The following THAP8 variants were observed in gnomAD, a reference collection of about 807,000 sequenced individuals.
THAP8 encodes the protein THAP domain containing 8.
A neutral mutation model predicts 25.0 loss-of-function variants in THAP8; 24 were observed. The ratio of observed to expected loss-of-function variants is 0.96; its 90% CI spans 0.69 to 1.35. The LOEUF is 1.35. Ranked by LOEUF, THAP8 falls within the 40% of genes most tolerant of loss-of-function variation. The pLI is 0.00. For synonymous variants in THAP8, 169 were observed against 157.6 expected, an observed-to-expected ratio of 1.07 and a Z score of -0.54; for missense variants, 399 against 368.8, an observed-to-expected ratio of 1.08 and a Z score of -0.67.
chr19:36,042,294 C>T lies in THAP8; in HGVS notation c.84-2158G>A, dbSNP rs4805154. On this transcript the variant is annotated intron_variant, in intron 1 of 3. Transcript: ENST00000292894. ...TTCTGCTTACATACCCAAAAGAACA[C>T]AAAACAGGGTCTTGGAGAGATATTT... Among the ~76,000 whole-genome samples the T allele has an allele frequency of 4.0e-5, 6 of 151,464 alleles. No individual in the cohort carries two copies. The South Asian group carries it at 1.2e-3, about 31-fold the overall frequency.
intron 2 of THAP8, 101 bp downstream of exon 2, chr19:36,039,843 C>T (rs1969623975): frequency 3.8e-6 from 6 of 1,573,840 alleles, no homozygotes; most frequent in South Asian, 2.3e-5. Context: ...GAGGAAGTGT[C>T]GTCAGGAGGG....
chr19:36,047,445 T>TGGTGGCAGTGGTGGCTGGGGC (rs1163266555), intron 1 of THAP8, among the ~76,000 whole-genome samples: 3 of 152,168 alleles, frequency 2.0e-5, no homozygotes, highest in Non-Finnish European at 2.9e-5. Context: ...CTATAAGGAA[T>TGGTGGCAGTGGTGGCTGGGGC]GGTGGCAGTG....
chr19:36,037,514 G>T (rs1285563778), intron 3 of THAP8, among the ~76,000 whole-genome samples: 1 of 152,166 alleles, frequency 6.6e-6, no homozygotes, highest in African/African-American at 2.4e-5. Context: ...CAGACACCTG[G>T]GTTTGAATCC....
intron 1 of THAP8, among the ~76,000 whole-genome samples, 172 bp from the exon 2 acceptor site, chr19:36,040,308 T>C (rs1272895421): frequency 2.0e-5 from 3 of 152,174 alleles, no homozygotes; most frequent in African/African-American, 7.2e-5. Flanking sequence ...ACCACAACCC[T>C]TTTTTCAGCT....
At chr19:36,036,495 C>G (rs370691024) in intron 3 of THAP8, among the ~76,000 whole-genome samples, 1 of 152,136 alleles carries the variant, frequency 6.6e-6, no homozygotes, top group East Asian at 1.9e-4. Context: ...GTCTCAAACT[C>G]CTGGGCTCAA....
chr19:36,047,591 G>C (rs1243677582), intron 1 of THAP8, among the ~76,000 whole-genome samples: 1 of 152,180 alleles, frequency 6.6e-6, no homozygotes, highest in Non-Finnish European at 1.5e-5. Flanking sequence ...GGTGGCCAAG[G>C]TGGGAGGATC....
At position 36,040,072 on chromosome 19, in the gene THAP8, C is replaced by A; in HGVS notation, c.148G>T (p.Val50Leu). ...WLQHMGCEHWVPSCHQHLCSE... is the reference protein window; with the variant it reads ...WLQHMGCEHWLPSCHQHLCSE... The stretch of plus-strand genomic sequence containing the variant: ...CACAAGTGCTGGTGGCAGCTGGGCA[C>A]CCAGTGCTCACAGCCCATGTGCTGC... The change falls in exon 2 of 4, where the codon GTG (valine) becomes TTG (leucine). Residue 50 changes from valine to leucine, a missense_variant. Coordinates refer to ENST00000292894, the MANE Select transcript of THAP8 (RefSeq NM_152658.3). 3 of 1,613,516 alleles carry A rather than the reference C, an allele frequency of 1.9e-6. No homozygotes were observed. The highest frequency in any genetic ancestry group is 2.5e-6 in the Non-Finnish European group (3 of 1,179,808).
At chr19:36,037,315 CACAA>C (rs1313481372) in intron 3 of THAP8, among the ~76,000 whole-genome samples, 22 of 147,664 alleles carry the variant, frequency 1.5e-4, no homozygotes, top group East Asian at 3.9e-4. Flanking sequence ...CACACACACA[CACAA>C]ACACCTTCCT....
intron 1 of THAP8, among the ~76,000 whole-genome samples, chr19:36,047,000 C>A (rs1223629631): frequency 1.3e-5 from 2 of 152,192 alleles, no homozygotes; most frequent in African/African-American, 4.8e-5. Flanking sequence ...GAAAGGTCTC[C>A]TTAATTGGTC....
intron 2 of THAP8, 91 bp downstream of exon 2, chr19:36,039,853 G>A: frequency 6.3e-7 from 1 of 1,586,816 alleles, no homozygotes; most frequent in Non-Finnish European, 8.6e-7. Flanking sequence ...CGTCAGGAGG[G>A]GAGGGCCAAA....
chr19:36,044,745 G>C (rs1323573277), intron 1 of THAP8, among the ~76,000 whole-genome samples: 1 of 152,122 alleles, frequency 6.6e-6, no homozygotes, highest in African/African-American at 2.4e-5. Flanking sequence ...TCCCACGTTG[G>C]CCTCCCAAAG....
upstream of THAP8, chr19:36,054,343 A>G (rs1460165710): frequency 8.5e-7 from 1 of 1,182,468 alleles, no homozygotes; most frequent in Non-Finnish European, 1.2e-6. Flanking sequence ...GAGTCTCGTC[A>G]CGTACCGGGG....
At position 36,054,147 on chromosome 19, in the gene THAP8, A is replaced by G; in HGVS notation, c.71T>C (p.Val24Ala). 2.5e-6 allele frequency: 4 copies of G among 1,613,236 alleles called. No homozygotes were observed. Among genetic ancestry groups the G allele is most frequent in the Non-Finnish European group, 3.4e-6 (4 of 1,179,452 alleles). Reference sequence around the variant, plus strand: ...GCGCTGCGCTCACTTGTAGAAGCTCACAGGGCGGTTGTCTGCACCCAGGCG... The same window carrying G: ...GCGCTGCGCTCACTTGTAGAAGCTCGCAGGGCGGTTGTCTGCACCCAGGCG... ...AGRLGADNRP[V>A]SFYKFPLKDG... The change falls in exon 1 of 4, where the codon GTG becomes GCG. Residue 24 changes from valine to alanine, a missense_variant. Transcript: ENST00000292894.
intron 1 of THAP8, among the ~76,000 whole-genome samples, chr19:36,053,552 CAAAAAAAAAAAA>C (rs766799036): frequency 4.1e-4 from 24 of 58,934 alleles, no homozygotes; most frequent in African/African-American, 1.5e-3. Flanking sequence ...GATCTTGTCT[CAAAAAAAAAAAA>C]AAAAAAAAGC....
intron 1 of THAP8, among the ~76,000 whole-genome samples, chr19:36,053,072 A>T (rs1970107316): frequency 2.0e-5 from 3 of 151,338 alleles, no homozygotes; most frequent in Admixed American, 2.0e-4. Flanking sequence ...TTAAAAACAA[A>T]ATTTTTTTTT....
intron 1 of THAP8, among the ~76,000 whole-genome samples, chr19:36,052,241 C>T (rs80316624): frequency 0.15 from 22,710 of 152,036 alleles, 1,883 homozygotes; most frequent in East Asian, 0.26. Flanking sequence ...GACAAGGTTT[C>T]GCCATGTTGG....
At chr19:36,052,698 T>C (rs1044046263) in intron 1 of THAP8, among the ~76,000 whole-genome samples, 2 of 152,228 alleles carry the variant, frequency 1.3e-5, no homozygotes, top group Admixed American at 6.5e-5. Flanking sequence ...TATTGTGTCC[T>C]TATCTGAAGC....
rs564567836 is a variant in THAP8 at position 36,040,206 on chromosome 19, C to T, written c.84-70G>A. On this transcript the variant is annotated intron_variant, in intron 1 of 3. Coordinates refer to ENST00000292894, the MANE Select transcript of THAP8 (RefSeq NM_152658.3). The stretch of plus-strand genomic sequence containing the variant: ...ACTTATCCCTCCCAGAGGATACCCA[C>T]CCTGGAGGTCTCTGGGCTCCAAGCC... 4.8e-5 allele frequency: 70 copies of T among 1,457,640 alleles called. 1 individual carries two copies. In the South Asian group the frequency reaches 8.8e-4, roughly 18 times the overall value. The allele number at this position is 1,457,640 out of a possible 1,614,324, so 90.3% of individuals were successfully genotyped here.
In THAP8 at chr19:36,035,234, G is replaced by A; in HGVS notation, c.*206C>T. Reference sequence around the variant, plus strand: ...GGGGGTGGCAGAAGCCTGGTACCCAGGGGATTGGGGGCTGATGAGAGACTT... The same window carrying A: ...GGGGGTGGCAGAAGCCTGGTACCCAAGGGATTGGGGGCTGATGAGAGACTT... On this transcript the variant is annotated 3_prime_UTR_variant, in exon 4 of 4. Coordinates refer to ENST00000292894, the MANE Select transcript of THAP8 (RefSeq NM_152658.3). The A allele has an allele frequency of 1.8e-6, 1 of 568,932 alleles. No homozygotes were observed. The highest frequency in any genetic ancestry group is 3.0e-5 in the South Asian group (1 of 33,676). 35.2% of individuals were successfully genotyped at this position (568,932 alleles called of 1,614,324 possible).
Sources: allele counts gnomAD v4.1 joint callset (sites outside exome capture counted in the v4.1 genomes callset), GRCh38; gene constraint gnomAD v4.1.1; transcripts MANE v1.5; gene names NCBI Gene and HGNC (gene_info 2026-07-23, HGNC 2026-07-21).